Variants in NDUFAF6 observed in about 807,000 individuals in gnomAD.
NDUFAF6 encodes NADH:ubiquinone oxidoreductase complex assembly factor 6, also known as NADH dehydrogenase (ubiquinone) complex I, assembly factor 6.
Under a neutral mutation model 40.8 loss-of-function variants are expected in NDUFAF6, and 45 were observed. The ratio of observed to expected loss-of-function variants is 1.10; its 90% CI spans 0.87 to 1.42. The LOEUF (loss-of-function observed/expected upper bound fraction) is 1.42. NDUFAF6 is among the 40% of genes most tolerant of loss of function. The pLI, the probability that NDUFAF6 is intolerant of heterozygous loss-of-function variation, is 0.00. For missense variants in NDUFAF6, 435 were observed against 418.5 expected, an observed-to-expected ratio of 1.04 and a Z score of -0.34; for synonymous variants, 185 against 155.9, an observed-to-expected ratio of 1.19 and a Z score of -1.39.
intron 1 of NDUFAF6, among the ~76,000 whole-genome samples, chr8:94,932,579 G>A (rs146777333): frequency 5.3e-5 from 8 of 152,290 alleles, no homozygotes; most frequent in African/African-American, 1.7e-4. Flanking sequence ...TGAGGCGGGC[G>A]GATCGTGAGG....
chr8:95,054,031 C>A (rs1485019722), intron 8 of NDUFAF6, among the ~76,000 whole-genome samples: 2 of 148,748 alleles, frequency 1.3e-5, no homozygotes, highest in Non-Finnish European at 3.0e-5. Context: ...CAGTCTCAAC[C>A]TCCCAGGCTC....
At chr8:94,942,846 G>A (rs4735333) in intron 1 of NDUFAF6, among the ~76,000 whole-genome samples, 66,702 of 152,004 alleles carry the variant, frequency 0.44, 15,741 homozygotes, top group East Asian at 0.72. Context: ...CTTCAGTACC[G>A]CTCAAGGTCC....
At chr8:94,982,231 C>CA (rs555441147) in intron 2 of NDUFAF6, among the ~76,000 whole-genome samples, 12,307 of 142,890 alleles carry the variant, frequency 0.086, 805 homozygotes, top group African/African-American at 0.19. Context: ...GACTCCATCT[C>CA]AAAAAAAAAA....
chr8:95,006,013 G>C (rs556620323), intron 2 of NDUFAF6, among the ~76,000 whole-genome samples: 1 of 152,022 alleles, frequency 6.6e-6, no homozygotes, highest in African/African-American at 2.4e-5. Flanking sequence ...CTTCTAACTC[G>C]TGAGAGTTGG....
intron 1 of NDUFAF6, among the ~76,000 whole-genome samples, chr8:94,907,627 A>G (rs538923154): frequency 1.1e-4 from 16 of 152,348 alleles, no homozygotes; most frequent in African/African-American, 3.8e-4. Context: ...GGAATGAGAA[A>G]TGAGGTGAGC....
chr8:94,931,467 T>C (rs1026148111), intron 1 of NDUFAF6, among the ~76,000 whole-genome samples: 3 of 152,072 alleles, frequency 2.0e-5, no homozygotes, highest in Admixed American at 6.6e-5. Context: ...TCAAGTAGGA[T>C]TGCTGTAAAC....
intron 2 of NDUFAF6, among the ~76,000 whole-genome samples, chr8:95,005,681 C>T (rs925543744): frequency 4.6e-5 from 7 of 151,334 alleles, no homozygotes; most frequent in African/African-American, 1.7e-4. Flanking sequence ...AACCCTGTAG[C>T]AGAGATGGAA....
At chr8:95,086,407 A>C (rs1275593275) in intron 2 of NDUFAF6, among the ~76,000 whole-genome samples, 1 of 152,080 alleles carries the variant, frequency 6.6e-6, no homozygotes, top group Admixed American at 6.5e-5. Flanking sequence ...GTTACTGTGG[A>C]TATATTGCTT....
rs536333942 is a variant in NDUFAF6, at chr8:94,916,759, G to A, written c.-936+20832G>A. On this transcript the variant is annotated intron_variant, in intron 1 of 14. Coordinates refer to the NDUFAF6 transcript ENST00000396113. ...ACCTGGGAGGCAGAGGTTGCAGTGA[G>A]CCGAGATCACGCCACTGCTCTCCAG... is the stretch of plus-strand genomic sequence containing the variant. Among the ~76,000 whole-genome samples the A allele has an allele frequency of 3.5e-5, 5 of 142,600 alleles. No homozygotes were observed. The South Asian group carries it at 1.2e-3, about 34-fold the overall frequency. The allele number at this position is 142,600 out of a possible 152,430, so 93.6% of individuals were successfully genotyped here. A position where few individuals can be genotyped will look rare whatever the true frequency, so the allele number is the denominator to read the frequency against.
chr8:95,062,363 C>T (rs1832593007), downstream of NDUFAF6, among the ~76,000 whole-genome samples: 2 of 152,226 alleles, frequency 1.3e-5, no homozygotes, highest in South Asian at 4.1e-4. Context: ...AGAATAGTGA[C>T]CTACATCTAG....
intron 2 of NDUFAF6, among the ~76,000 whole-genome samples, chr8:95,008,246 G>T (rs1827085340): frequency 6.6e-6 from 1 of 152,242 alleles, no homozygotes; most frequent in Non-Finnish European, 1.5e-5. Context: ...AATATGTAAT[G>T]AATTAAAGAT....
chr8:95,084,836 T>C (rs901850429), intron 2 of NDUFAF6, among the ~76,000 whole-genome samples: 2 of 152,244 alleles, frequency 1.3e-5, no homozygotes, highest in East Asian at 1.9e-4. Context: ...TTCCCACAAA[T>C]AGAACTTGAG....
At chr8:94,941,041 T>G in intron 1 of NDUFAF6, 1 of 785,430 alleles carries the variant, frequency 1.3e-6, no homozygotes, top group Non-Finnish European at 2.1e-6. Context: ...GAGATTAAAG[T>G]GCACAGGGTG....
rs1554657858 is a variant in NDUFAF6, at chr8:95,005,554, A to ATATATATATATATATAT, written c.-84+24581_-84+24582insTATATATATATATATAT. 1.9e-3 allele frequency among the ~76,000 whole-genome samples: 220 copies of ATATATATATATATATAT among 115,314 alleles called. 5 individuals are homozygous for ATATATATATATATATAT. Among genetic ancestry groups the ATATATATATATATATAT allele is most frequent in the African/African-American group, 4.9e-3 (131 of 26,764 alleles). 75.7% of individuals were successfully genotyped at this position (115,314 alleles called of 152,430 possible). A position where few individuals can be genotyped will look rare whatever the true frequency, so the allele number is the denominator to read the frequency against. ...ATATATATATATATATATATATATA[A>ATATATATATATATATAT]AAAATATATTAACATAAATAATATA... On this transcript the variant is annotated intron_variant, in intron 2 of 9. Transcript: ENST00000396111.
intron 1 of NDUFAF6, among the ~76,000 whole-genome samples, chr8:94,963,253 G>A (rs1177872648): frequency 6.6e-6 from 1 of 152,212 alleles, no homozygotes; most frequent in Non-Finnish European, 1.5e-5. Context: ...CATGAAAAAT[G>A]GCATTTAACA....
At chr8:95,015,812 G>T (rs1827419732) in intron 2 of NDUFAF6, among the ~76,000 whole-genome samples, 1 of 152,130 alleles carries the variant, frequency 6.6e-6, no homozygotes, top group South Asian at 2.1e-4. Context: ...TTAGCAAGAA[G>T]TGGGGAGCTG....
intron 2 of NDUFAF6, among the ~76,000 whole-genome samples, chr8:94,985,682 T>G (rs1825847558): frequency 1.4e-5 from 2 of 147,754 alleles, no homozygotes; most frequent in Non-Finnish European, 3.0e-5. Flanking sequence ...ATTACAGGCA[T>G]GCACCACCAT....
intron 2 of NDUFAF6, among the ~76,000 whole-genome samples, chr8:95,091,752 C>A (rs943596164): frequency 1.3e-4 from 20 of 150,676 alleles, no homozygotes; most frequent in African/African-American, 4.9e-4. Flanking sequence ...CGATCCCCCC[C>A]AGCTCAGCCT....
intron 1 of NDUFAF6, among the ~76,000 whole-genome samples, chr8:94,922,751 C>G (rs1242445347): frequency 6.6e-6 from 1 of 152,134 alleles, no homozygotes; most frequent in Non-Finnish European, 1.5e-5. Context: ...AGTGCTGGGA[C>G]TACAGGCATG....
Sources: allele counts gnomAD v4.1 joint callset (sites outside exome capture counted in the v4.1 genomes callset), GRCh38; gene constraint gnomAD v4.1.1; transcripts MANE v1.5; gene names NCBI Gene and HGNC (gene_info 2026-07-23, HGNC 2026-07-21).